The following SDAD1 variants were observed in gnomAD, a reference collection of about 807,000 sequenced individuals.
SDAD1 encodes SDA1 domain containing 1, also known as protein SDA1 homolog.
SDAD1 carries 79 observed loss-of-function variants against 100.3 expected under a neutral mutation model. The ratio of observed to expected loss-of-function variants is 0.79; its 90% CI spans 0.66 to 0.95. SDAD1 has a LOEUF of 0.95. Among genes scored for constraint, SDAD1 ranks in the 40% least tolerant of loss-of-function variants. The pLI, the probability that SDAD1 is intolerant of heterozygous loss-of-function variation, is 0.00. For missense variants in SDAD1, 790 were observed against 810.9 expected (o/e 0.97, Z 0.31); for synonymous variants, 267 against 271.4 (o/e 0.98, Z 0.16).
At chr4:75,967,150 G>A (rs1729592798) in intron 12 of SDAD1, 127 bp downstream of exon 12, 8 of 804,598 alleles carry the variant, frequency 9.9e-6, no homozygotes, top group African/African-American at 1.7e-5. Context: ...AGAAAACAAG[G>A]GCTTCTCTTC....
chr4:75,964,269 A>G (rs1428196515), intron 13 of SDAD1, 58 bp from the exon 14 acceptor site: 13 of 1,156,338 alleles, frequency 1.1e-5, no homozygotes, highest in East Asian at 7.3e-5. Flanking sequence ...ACACAAACAC[A>G]TAAGAATGAA....
intron 21 of SDAD1, among the ~76,000 whole-genome samples, chr4:75,955,507 G>A (rs1199242752): frequency 1.3e-5 from 2 of 152,152 alleles, no homozygotes; most frequent in East Asian, 1.9e-4. Context: ...GAGCCATGAG[G>A]CTGCAGTGAG....
At position 75,977,705 on chromosome 4, in the gene SDAD1, A is replaced by G. The variant is rs1339238230; in HGVS notation, c.346T>C (p.Ser116Pro). 6.2e-7 allele frequency: 1 copy of G among 1,613,388 alleles called. No individual in the cohort carries two copies. Among genetic ancestry groups the G allele is most frequent in the African/African-American group, 1.3e-5 (1 of 74,912 alleles). Residue 116 changes from serine to proline, a missense_variant, in exon 4 of 22, where the codon TCA becomes CCA. Physicochemically the swap from Ser to Pro is moderately conservative, Grantham distance 74 (BLOSUM62 -1). Coordinates refer to ENST00000356260, the MANE Select transcript of SDAD1 (RefSeq NM_018115.4). Reference protein sequence around the residue: ...LLRNKNLINPSSLLELFFELF... With the variant: ...LLRNKNLINPPSLLELFFELF... Reference sequence around the variant, plus strand: ...TCAAAGAAGAGTTCTAGCAGGCTTGATGGATTGATGAGATTCTTATTTCTC... The same window carrying G: ...TCAAAGAAGAGTTCTAGCAGGCTTGGTGGATTGATGAGATTCTTATTTCTC...
chr4:75,978,012 T>C (rs759595794), intron 3 of SDAD1, among the ~76,000 whole-genome samples: 2 of 152,102 alleles, frequency 1.3e-5, no homozygotes, highest in African/African-American at 2.4e-5. Flanking sequence ...GGTTATGTAA[T>C]TGATCAACAG....
At chr4:75,955,922 T>G in intron 21 of SDAD1, 53 bp downstream of exon 21, 2 of 1,537,838 alleles carry the variant, frequency 1.3e-6, no homozygotes, top group South Asian at 1.3e-5. Context: ...AATGTAAAGC[T>G]GTCTTGGAAT....
In SDAD1 at chr4:75,957,869, G is replaced by A; in HGVS notation, c.1556C>T (p.Ser519Phe). ...DGEWIDVQHS[S>F]DEEQQEISKK... is the part of the protein sequence containing the mutation. ...TACGATTTCTTGCTGTTCTTCATCG[G>A]AAGAGTGTTGCACATCAATCCATTC... Residue 519 changes from serine (S) to phenylalanine (F), a missense_variant, in exon 18 of 22, where the codon TCC becomes TTC. Coordinates refer to ENST00000356260, the MANE Select transcript of SDAD1 (RefSeq NM_018115.4). 2.5e-6 allele frequency: 4 copies of A among 1,613,898 alleles called. No homozygotes were observed. Among genetic ancestry groups the A allele is most frequent in the Non-Finnish European group, 3.4e-6 (4 of 1,179,980 alleles).
rs1165242214 is a variant in SDAD1, at chr4:75,950,167, TGACTAAAA to T, written c.*575_*582del. 3 of 149,942 alleles carry T rather than the reference TGACTAAAA, an allele frequency of 2.0e-5. No individual in the cohort carries two copies. Among genetic ancestry groups the T allele is most frequent in the African/African-American group, 7.4e-5 (3 of 40,280 alleles). 9.3% of individuals were successfully genotyped at this position (149,942 alleles called of 1,614,324 possible). On this transcript the variant is annotated 3_prime_UTR_variant, in exon 22 of 22. Coordinates refer to ENST00000356260, the MANE Select transcript of SDAD1 (RefSeq NM_018115.4). The stretch of plus-strand genomic sequence containing the variant: ...GGGGGGTCACTTAAATCTCTTGGAT[TGACTAAAA>T]GAGCTAAATTATGTACCCAAAATCT...
At chr4:75,979,136 T>C (rs1427374794) in intron 3 of SDAD1, among the ~76,000 whole-genome samples, 3 of 151,906 alleles carry the variant, frequency 2.0e-5, no homozygotes, top group Non-Finnish European at 4.4e-5. Flanking sequence ...GTAGTTATAA[T>C]GTCAATGAAA....
intron 21 of SDAD1, 47 bp from the exon 22 acceptor site, chr4:75,950,844 A>G: frequency 1.5e-6 from 2 of 1,326,786 alleles, no homozygotes; most frequent in South Asian, 1.3e-5. Flanking sequence ...TGGGTACCCT[A>G]TTATACGAAT....
intron 14 of SDAD1, 97 bp downstream of exon 14, chr4:75,964,038 G>C: frequency 1.3e-6 from 1 of 793,260 alleles, no homozygotes; most frequent in Non-Finnish European, 2.1e-6. Context: ...ATTTTATAGA[G>C]GTGATACTAC....
intron 11 of SDAD1, 138 bp from the exon 12 acceptor site, chr4:75,967,472 G>A (rs1209175236): frequency 1.4e-6 from 1 of 705,514 alleles, no homozygotes; most frequent in East Asian, 2.7e-5. Context: ...TCATGCCCTA[G>A]GATGATTCAA....
rs377015076 is a variant in SDAD1 at position 75,957,661 on chromosome 4, A to G, written c.1626T>C (p.Ala542=). The G allele has an allele frequency of 3.1e-6, 5 of 1,614,078 alleles. No homozygotes were observed. Among genetic ancestry groups the G allele is most frequent in the Non-Finnish European group, 4.2e-6 (5 of 1,180,038 alleles). ...AAACTCGGCTAGTGCTGATGGCTGCAGCTTTGGCCTTCCGCTCCTCCATGG... is the reference window on the plus strand; with the variant it reads ...AAACTCGGCTAGTGCTGATGGCTGCGGCTTTGGCCTTCCGCTCCTCCATGG... The part of the protein sequence containing the change: ...SMPMEERKAK[A]AAISTSRVLT... Residue 542 remains alanine (A), a synonymous_variant, in exon 19 of 22, where the codon GCT becomes GCC. Coordinates refer to ENST00000356260, the MANE Select transcript of SDAD1 (RefSeq NM_018115.4).
chr4:75,970,381 G>A lies in SDAD1; in HGVS notation c.814-3C>T, dbSNP rs1472180928. On this transcript the variant is annotated splice_polypyrimidine_tract_variant and splice_region_variant and intron_variant, in intron 9 of 21. Transcript: ENST00000356260. The stretch of plus-strand genomic sequence containing the variant: ...GGTTTTTTCTTCTTTTTTTGTTTCT[G>A]AAAGGGAGAGGAAAAACATTTTCAG... 1.9e-6 allele frequency: 3 copies of A among 1,610,300 alleles called. No individual in the cohort carries two copies. In the Admixed American group the frequency reaches 5.0e-5, roughly 27 times the overall value.
chr4:75,969,518 A>G, intron 10 of SDAD1, 119 bp from the exon 11 acceptor site: 1 of 622,206 alleles, frequency 1.6e-6, no homozygotes, highest in African/African-American at 1.8e-5. Flanking sequence ...ACAGGTGAAT[A>G]TGTCAATATA....
intron 3 of SDAD1, among the ~76,000 whole-genome samples, chr4:75,979,524 C>T (rs912894430): frequency 1.2e-4 from 18 of 151,442 alleles, no homozygotes; most frequent in African/African-American, 2.2e-4. Flanking sequence ...GGCGCGATCT[C>T]GGCTCACTGC....
intron 1 of SDAD1, among the ~76,000 whole-genome samples, chr4:75,984,479 T>C (rs542134857): frequency 6.6e-6 from 1 of 152,280 alleles, no homozygotes; most frequent in Admixed American, 6.5e-5. Flanking sequence ...CCTCTTTTTT[T>C]ACCTCTTCTT....
chr4:75,974,246 C>A lies in SDAD1; in HGVS notation c.579-113G>T, dbSNP rs1007436146. ...CAAATGTTTGTGACGTACTAGAATT[C>A]CCAGTTGTAATATTTTAAAAAGATA... is the stretch of plus-strand genomic sequence containing the variant. On this transcript the variant is annotated intron_variant, in intron 6 of 21. Coordinates refer to ENST00000356260, the MANE Select transcript of SDAD1 (RefSeq NM_018115.4). 5 of 829,590 alleles carry A rather than the reference C, an allele frequency of 6.0e-6. No individual in the cohort carries two copies. The Admixed American group carries it at 9.6e-5, about 16-fold the overall frequency. The allele number at this position is 829,590 out of a possible 1,614,324, so 51.4% of individuals were successfully genotyped here.
At chr4:75,971,851 C>CA (rs1210990203) in intron 8 of SDAD1, among the ~76,000 whole-genome samples, 2 of 151,174 alleles carry the variant, frequency 1.3e-5, no homozygotes, top group African/African-American at 4.9e-5. Flanking sequence ...CAGCCTGTCT[C>CA]AAAAAACAGG....
chr4:75,960,946 G>T, intron 16 of SDAD1, 82 bp downstream of exon 16: 2 of 1,092,870 alleles, frequency 1.8e-6, no homozygotes, highest in Non-Finnish European at 2.8e-6. Flanking sequence ...AGCATCATAA[G>T]TACTAAAATC....
Sources: gnomAD v4.1 joint callset for allele counts (sites outside exome capture counted in the v4.1 genomes callset) on GRCh38, gnomAD v4.1.1 for gene constraint, MANE v1.5 for transcripts, NCBI Gene and HGNC (gene_info 2026-07-23, HGNC 2026-07-21) for gene names.